MARCHF5: variants seen among roughly 807,000 people sequenced by gnomAD.
MARCHF5 encodes E3 ubiquitin-protein ligase MARCHF5.
MARCHF5 carries 5 observed loss-of-function variants against 36.5 expected under a neutral mutation model. That is an observed-to-expected ratio of 0.14 (90% CI 0.07 to 0.29). MARCHF5 has a LOEUF of 0.29. Among genes scored for constraint, MARCHF5 ranks in the 10% least tolerant of loss-of-function variants. MARCHF5 has a pLI of 1.00. For synonymous variants in MARCHF5, 103 were observed against 109.9 expected (o/e 0.94, Z 0.39); for missense variants, 179 against 336.3 (o/e 0.53, Z 3.66).
At chr10:92,319,659 T>C (rs1564947781) in intron 2 of MARCHF5, among the ~76,000 whole-genome samples, 2 of 79,604 alleles carry the variant, frequency 2.5e-5, no homozygotes, top group Non-Finnish European at 4.7e-5. Context: ...TTTTTGTTTT[T>C]TGTTTTTTTT....
intron 2 of MARCHF5, among the ~76,000 whole-genome samples, chr10:92,321,790 T>A (rs1021019534): frequency 2.0e-5 from 3 of 152,174 alleles, no homozygotes; most frequent in Non-Finnish European, 4.4e-5. Context: ...TACAAATTTG[T>A]CCATTTCATG....
intron 3 of MARCHF5, among the ~76,000 whole-genome samples, chr10:92,347,160 G>C (rs1029696002): frequency 1.4e-5 from 2 of 138,596 alleles, no homozygotes; most frequent in African/African-American, 2.7e-5. Flanking sequence ...CCTGGGAAAC[G>C]TAGCAAGACC....
intron 3 of MARCHF5, among the ~76,000 whole-genome samples, chr10:92,341,605 G>A (rs993746871): frequency 1.3e-5 from 2 of 151,982 alleles, no homozygotes; most frequent in Admixed American, 1.3e-4. Flanking sequence ...TTTTTTGTGT[G>A]TTCAGGTCTT....
intron 3 of MARCHF5, among the ~76,000 whole-genome samples, chr10:92,346,158 A>G (rs1843641469): frequency 6.6e-6 from 1 of 152,230 alleles, no homozygotes; most frequent in Non-Finnish European, 1.5e-5. Flanking sequence ...CCAAAATTAA[A>G]TCAGGCCTAT....
intron 1 of MARCHF5, among the ~76,000 whole-genome samples, chr10:92,304,076 AATCTTAAG>A (rs1003661298): frequency 1.9e-4 from 29 of 152,358 alleles, no homozygotes; most frequent in South Asian, 4.1e-4. Context: ...GGTTTAAATG[AATCTTAAG>A]ATCTTAAGTA....
intron 2 of MARCHF5, among the ~76,000 whole-genome samples, chr10:92,319,020 A>C (rs1425567309): frequency 6.6e-6 from 1 of 151,972 alleles, no homozygotes; most frequent in Non-Finnish European, 1.5e-5. Flanking sequence ...TTTCACCGTT[A>C]ACTATAGCCG....
intron 2 of MARCHF5, among the ~76,000 whole-genome samples, chr10:92,315,510 T>G (rs1402284786): frequency 6.6e-6 from 1 of 152,230 alleles, no homozygotes; most frequent in African/African-American, 2.4e-5. Context: ...ACTGGAGTTG[T>G]TGAAAATGAT....
chr10:92,321,709 T>C (rs1843290378), intron 2 of MARCHF5, among the ~76,000 whole-genome samples: 1 of 152,118 alleles, frequency 6.6e-6, no homozygotes, highest in Admixed American at 6.5e-5. Context: ...AATTACTAAT[T>C]CAATCTCATT....
At chr10:92,323,944 T>C (rs1843322795) in intron 2 of MARCHF5, among the ~76,000 whole-genome samples, 1 of 152,264 alleles carries the variant, frequency 6.6e-6, no homozygotes, top group Admixed American at 6.5e-5. Flanking sequence ...GATTGTATGA[T>C]ACAAGTATGT....
At chr10:92,308,777 T>A (rs1444792678) in intron 1 of MARCHF5, among the ~76,000 whole-genome samples, 1 of 151,246 alleles carries the variant, frequency 6.6e-6, no homozygotes, top group African/African-American at 2.4e-5. Flanking sequence ...CGATCTTGGC[T>A]CACTGCAAGC....
chr10:92,331,464 A>T (rs968997679), intron 2 of MARCHF5, among the ~76,000 whole-genome samples: 1 of 152,068 alleles, frequency 6.6e-6, no homozygotes, highest in South Asian at 2.1e-4. Flanking sequence ...TTTTCTTAAC[A>T]TCTGTATAGT....
chr10:92,332,397 T>G (rs767516776), intron 2 of MARCHF5, among the ~76,000 whole-genome samples: 1 of 152,042 alleles, frequency 6.6e-6, no homozygotes, highest in Non-Finnish European at 1.5e-5. Flanking sequence ...AGATGAAACT[T>G]ACATAAGCGA....
At chr10:92,313,394 G>A (rs1843169174) in intron 2 of MARCHF5, among the ~76,000 whole-genome samples, 1 of 151,306 alleles carries the variant, frequency 6.6e-6, no homozygotes, top group African/African-American at 2.4e-5. Context: ...CACGAGGTCA[G>A]GAGATCGAGA....
intron 2 of MARCHF5, among the ~76,000 whole-genome samples, chr10:92,331,715 T>C (rs945955720): frequency 2.0e-5 from 3 of 151,660 alleles, no homozygotes; most frequent in Non-Finnish European, 4.4e-5. Context: ...TGAGTATAAA[T>C]TTAAAATTTC....
chr10:92,323,064 C>T (rs1411814985), intron 2 of MARCHF5, among the ~76,000 whole-genome samples: 1 of 152,008 alleles, frequency 6.6e-6, no homozygotes, highest in Admixed American at 6.6e-5. Context: ...TCAGTCTTGC[C>T]ATGTTGCTCA....
rs1417572091 is a variant in MARCHF5 at position 92,352,542 on chromosome 10, A to G, written c.*1335A>G. 1.3e-5 allele frequency: 2 copies of G among 152,180 alleles called. No individual in the cohort carries two copies. The highest frequency in any genetic ancestry group is 2.4e-5 in the African/African-American group (1 of 41,446). The allele number at this position is 152,180 out of a possible 1,614,324, so 9.4% of individuals were successfully genotyped here. On this transcript the variant is annotated 3_prime_UTR_variant, in exon 6 of 6. Coordinates refer to ENST00000358935, the MANE Select transcript of MARCHF5 (RefSeq NM_017824.5). ...TTAATTAAAATTAAATTTTTAAGAG[A>G]TATTTTCAAAACCCTATTTATTTTC...
At chr10:92,294,106 T>C (rs1424343145) in intron 1 of MARCHF5, among the ~76,000 whole-genome samples, 1 of 152,130 alleles carries the variant, frequency 6.6e-6, no homozygotes, top group Non-Finnish European at 1.5e-5. Flanking sequence ...TTTTAAAGCT[T>C]TTTAAATGTT....
intron 3 of MARCHF5, among the ~76,000 whole-genome samples, chr10:92,348,675 C>T (rs1489779405): frequency 6.6e-6 from 1 of 152,138 alleles, no homozygotes; most frequent in East Asian, 1.9e-4. Context: ...GTATTAGCTT[C>T]ATTACCCCCA....
chr10:92,311,570 G>A (rs1262639478), intron 2 of MARCHF5, among the ~76,000 whole-genome samples: 1 of 151,880 alleles, frequency 6.6e-6, no homozygotes, highest in Non-Finnish European at 1.5e-5. Flanking sequence ...CTGTTTGATA[G>A]AAAGGAGAAA....
Sources: allele counts gnomAD v4.1 joint callset (sites outside exome capture counted in the v4.1 genomes callset), GRCh38; gene constraint gnomAD v4.1.1; transcripts MANE v1.5; gene names NCBI Gene and HGNC (gene_info 2026-07-23, HGNC 2026-07-21).